The following TENM2 variants were observed in gnomAD, a reference collection of about 807,000 sequenced individuals.
The protein encoded by TENM2 is teneurin-2.
In TENM2, 52 loss-of-function variants were observed where a neutral mutation model predicts 245.2. The observed-to-expected ratio is 0.21, with a 90% CI of 0.17 to 0.27. The LOEUF is 0.27. TENM2 is among the 10% of genes least tolerant of loss of function. The pLI, the probability that TENM2 is intolerant of heterozygous loss-of-function variation, is 1.00. For missense variants in TENM2, 3,046 were observed against 3,666.8 expected, an observed-to-expected ratio of 0.83 and a Z score of 4.37; for synonymous variants, 1,363 against 1,438.9, an observed-to-expected ratio of 0.95 and a Z score of 1.19.
At chr5:168,008,113 C>G (rs1239380133) in intron 5 of TENM2, among the ~76,000 whole-genome samples, 1 of 152,126 alleles carries the variant, frequency 6.6e-6, no homozygotes, top group Non-Finnish European at 1.5e-5. Context: ...AAGGGAGAAA[C>G]TCCCAAGGGC....
At chr5:168,190,339 G>A (rs1345569070) in exon 14 of TENM2, 42 of 1,612,730 alleles carry the variant, frequency 2.6e-5, no homozygotes, top group Non-Finnish European at 3.6e-5. Context: ...CCTTCCAGAT[G>A]GCCTGGTGGA....
chr5:167,346,851 G>T (rs1758485073), intron 1 of TENM2, among the ~76,000 whole-genome samples: 2 of 152,064 alleles, frequency 1.3e-5, no homozygotes, highest in East Asian at 1.9e-4. Context: ...ACGGCTTTCT[G>T]CAGCCTTGAC....
the TENM2 span, among the ~76,000 whole-genome samples, chr5:167,024,246 G>A: frequency 6.6e-6 from 1 of 152,074 alleles, no homozygotes; most frequent in Non-Finnish European, 1.5e-5. Flanking sequence ...CAAAATTTTG[G>A]TAAATCATTA....
intron 2 of TENM2, among the ~76,000 whole-genome samples, chr5:167,395,778 A>T (rs1186751447): frequency 6.6e-6 from 1 of 152,178 alleles, no homozygotes; most frequent in African/African-American, 2.4e-5. Context: ...TGATGTGGTT[A>T]TACATCCTTT....
intron 2 of TENM2, among the ~76,000 whole-genome samples, chr5:167,544,573 T>G (rs1400985666): frequency 6.6e-6 from 1 of 152,220 alleles, no homozygotes; most frequent in African/African-American, 2.4e-5. Flanking sequence ...TTTTTGAATG[T>G]TTAGACCCTG....
chr5:167,486,763 G>A (rs1467430352), intron 2 of TENM2, among the ~76,000 whole-genome samples: 1 of 152,034 alleles, frequency 6.6e-6, no homozygotes, highest in Non-Finnish European at 1.5e-5. Context: ...GCATTTGGTT[G>A]AGGAACCTGT....
At chr5:168,190,440 G>C (rs1408336619) in exon 14 of TENM2, 1 of 1,613,892 alleles carries the variant, frequency 6.2e-7, no homozygotes, top group African/African-American at 1.3e-5. Flanking sequence ...TCATTCAGCA[G>C]GGCCAGACGG....
intron 2 of TENM2, among the ~76,000 whole-genome samples, chr5:167,501,336 G>A (rs576211068): frequency 1.3e-5 from 2 of 152,242 alleles, no homozygotes; most frequent in South Asian, 4.1e-4. Context: ...ACAGGGTGGG[G>A]CACTTGAAAA....
At chr5:167,380,908 AGTT>A (rs1233731230) in intron 2 of TENM2, among the ~76,000 whole-genome samples, 2 of 152,126 alleles carry the variant, frequency 1.3e-5, no homozygotes, top group Non-Finnish European at 2.9e-5. Context: ...TTTTAAGTTT[AGTT>A]GTTGTTTGTC....
In TENM2 at chr5:167,588,707, A is replaced by G. The variant is rs1346964690; in HGVS notation, c.502+213234A>G. On this transcript the variant is annotated intron_variant, in intron 2 of 28. Coordinates refer to ENST00000518659, the Ensembl canonical transcript of TENM2. ...AGCACATATACAAAAGACCATTAGC[A>G]GAAAATTACTGAACTCATGGAAATG... Among the ~76,000 whole-genome samples the G allele has an allele frequency of 4.6e-5, 7 of 152,244 alleles. No homozygotes were observed. The East Asian group carries it at 9.6e-4, about 21-fold the overall frequency.
chr5:167,029,860 G>A, the TENM2 span, among the ~76,000 whole-genome samples: 112 of 152,224 alleles, frequency 7.4e-4, no homozygotes, highest in African/African-American at 2.6e-3. Context: ...ATTGTGTAAG[G>A]GAATATAAAG....
chr5:167,800,302 A>C (rs1307209423), intron 2 of TENM2, among the ~76,000 whole-genome samples: 2 of 152,148 alleles, frequency 1.3e-5, no homozygotes, highest in Non-Finnish European at 2.9e-5. Flanking sequence ...GGATCCCTCT[A>C]GTAGTAGCTC....
At chr5:167,685,794 G>T (rs1256513743) in intron 2 of TENM2, among the ~76,000 whole-genome samples, 2 of 152,172 alleles carry the variant, frequency 1.3e-5, no homozygotes, top group African/African-American at 4.8e-5. Flanking sequence ...GGGCACATTT[G>T]CCTTTGCAAA....
chr5:167,241,223 G>T, the TENM2 span, among the ~76,000 whole-genome samples: 1 of 152,024 alleles, frequency 6.6e-6, no homozygotes, highest in East Asian at 1.9e-4. Flanking sequence ...TGGGCACTAG[G>T]TATATAATTG....
intron 2 of TENM2, among the ~76,000 whole-genome samples, chr5:167,462,616 A>G (rs578246192): frequency 4.8e-4 from 73 of 152,022 alleles, no homozygotes; most frequent in African/African-American, 1.5e-3. Flanking sequence ...CCCATGGCCA[A>G]TCTCTTCTCC....
At chr5:167,615,022 G>C (rs2127757570) in intron 2 of TENM2, among the ~76,000 whole-genome samples, 1 of 152,190 alleles carries the variant, frequency 6.6e-6, no homozygotes, top group Non-Finnish European at 1.5e-5. Flanking sequence ...TATAAGTTAT[G>C]TTTATGTAAA....
chr5:168,204,095 C>T (rs1055658406), intron 18 of TENM2, among the ~76,000 whole-genome samples: 15 of 152,168 alleles, frequency 9.9e-5, no homozygotes, highest in South Asian at 6.2e-4. Context: ...ACTGCAACCT[C>T]GACTTCCCGG....
intron 5 of TENM2, among the ~76,000 whole-genome samples, chr5:167,998,816 C>T (rs911254481): frequency 1.3e-5 from 2 of 152,116 alleles, no homozygotes; most frequent in African/African-American, 4.8e-5. Flanking sequence ...GGAAAGAACG[C>T]GGGCCATCAA....
intron 2 of TENM2, among the ~76,000 whole-genome samples, chr5:167,431,961 G>GTATATATATATATATA (rs112010521): frequency 2.1e-3 from 92 of 43,582 alleles, no homozygotes; most frequent in Middle Eastern, 0.019. Flanking sequence ...ATATATATAT[G>GTATATATATATATATA]TATATATATA....
Sources: gnomAD v4.1 joint callset for allele counts (sites outside exome capture counted in the v4.1 genomes callset) on GRCh38, gnomAD v4.1.1 for gene constraint, MANE v1.5 for transcripts, NCBI Gene and HGNC (gene_info 2026-07-23, HGNC 2026-07-21) for gene names.